The following SLC4A8 variants were observed in gnomAD, a reference collection of about 807,000 sequenced individuals.
SLC4A8 encodes electroneutral sodium bicarbonate exchanger 1.
In SLC4A8, 40 loss-of-function variants were observed where a neutral mutation model predicts 125.0. The observed-to-expected ratio is 0.32, with a 90% CI of 0.25 to 0.42. The LOEUF (loss-of-function observed/expected upper bound fraction) is 0.42. Ranked by LOEUF, SLC4A8 falls within the 10% of genes least tolerant of loss-of-function variation. SLC4A8 has a pLI of 1.00. For missense variants in SLC4A8, 863 were observed against 1,355.1 expected (o/e 0.64, Z 5.70); for synonymous variants, 456 against 476.0 (o/e 0.96, Z 0.55).
Position 51,470,480 on chromosome 12 carries a change from C to T in SLC4A8, c.1613C>T (p.Thr538Ile). 1 of 1,613,636 alleles carries T rather than the reference C, an allele frequency of 6.2e-7. No individual in the cohort carries two copies. Among genetic ancestry groups the T allele is most frequent in the Non-Finnish European group, 8.5e-7 (1 of 1,179,550 alleles). The change falls in exon 13 of 25, where the codon ACT becomes ATT. Residue 538 changes from threonine (T) to isoleucine (I), a missense_variant. Physicochemically the swap from Thr to Ile is moderately conservative, Grantham distance 89. Around this residue, in one of 6 missense-constraint regions of SLC4A8, gnomAD observed 390 missense variants for 634.4 expected, o/e 0.61. Transcript: ENST00000453097. Reference protein sequence around the residue: ...AGQALTILGSTGPVLVFEKIL... With the variant: ...AGQALTILGSIGPVLVFEKIL... ...CAGGCTCTCACCATCCTGGGAAGTA[C>T]TGGACCAGTGCTTGTGTTTGAAAAG... is the stretch of plus-strand genomic sequence containing the variant.
At position 51,504,017 on chromosome 12, in the gene SLC4A8, T is replaced by TA. The variant is rs1938056408; in HGVS notation, c.3082-12_3082-11insA. The TA allele has an allele frequency of 6.6e-7, 1 of 1,515,816 alleles. No homozygotes were observed. Among genetic ancestry groups the TA allele is most frequent in the African/African-American group, 1.4e-5 (1 of 72,704 alleles). 93.9% of individuals were successfully genotyped at this position (1,515,816 alleles called of 1,614,324 possible). ...TTGGTCCAAGATATAATAATGTTTCTTTTTCTTCCAGGAGGCTGAGAAAAT... is the reference window on the plus strand; with the variant it reads ...TTGGTCCAAGATATAATAATGTTTCTATTTTCTTCCAGGAGGCTGAGAAAAT... On this transcript the variant is annotated splice_polypyrimidine_tract_variant and intron_variant, in intron 22 of 24. Transcript: ENST00000453097.
At chr12:51,422,047 C>G (rs1948799822), upstream of SLC4A8, 1 of 152,204 alleles carries the variant, frequency 6.6e-6, no homozygotes, top group Non-Finnish European at 1.5e-5. Context: ...TTCCCAACAC[C>G]TAACATAGGG....
intron 1 of SLC4A8, among the ~76,000 whole-genome samples, chr12:51,431,223 C>T (rs963283573): frequency 6.6e-6 from 1 of 152,122 alleles, no homozygotes. Flanking sequence ...GTTAAGGATC[C>T]TTGTTATTAC....
intron 1 of SLC4A8, 30 bp downstream of exon 1, chr12:51,425,065 C>A: frequency 3.9e-6 from 6 of 1,544,140 alleles, no homozygotes; most frequent in African/African-American, 1.4e-5. Context: ...GCCTCCCGCT[C>A]CTCCCCGGGG....
upstream of SLC4A8, among the ~76,000 whole-genome samples, chr12:51,423,103 T>C (rs1948827703): frequency 6.6e-6 from 1 of 152,252 alleles, no homozygotes; most frequent in South Asian, 2.1e-4. Flanking sequence ...GTACTTTCTA[T>C]GTGCCTGGGA....
chr12:51,400,724 CTT>C (rs1565748887), intron 1 of SLC4A8, among the ~76,000 whole-genome samples: 12 of 54,996 alleles, frequency 2.2e-4, no homozygotes, highest in Admixed American at 9.5e-4. Flanking sequence ...GAATGAACTC[CTT>C]TATATATATA....
intron 1 of SLC4A8, among the ~76,000 whole-genome samples, chr12:51,431,351 A>G (rs1452645171): frequency 2.6e-5 from 4 of 152,256 alleles, no homozygotes; most frequent in African/African-American, 9.6e-5. Context: ...ATAAGGGAAC[A>G]TATTCACAAA....
chr12:51,447,547 C>T (rs1242850566), intron 2 of SLC4A8, among the ~76,000 whole-genome samples: 2 of 152,058 alleles, frequency 1.3e-5, no homozygotes, highest in African/African-American at 4.8e-5. Context: ...CAGTTTGATT[C>T]TGGTAGAGAA....
At chr12:51,462,886 C>T (rs1231980979) in intron 10 of SLC4A8, 2 of 111,130 alleles carry the variant, frequency 1.8e-5, no homozygotes, top group East Asian at 2.5e-4. Flanking sequence ...GAGCGAGACT[C>T]CACCTCAAAA....
chr12:51,393,512 G>A (rs1948200822), intron 1 of SLC4A8, among the ~76,000 whole-genome samples: 1 of 152,216 alleles, frequency 6.6e-6, no homozygotes, highest in African/African-American at 2.4e-5. Context: ...GTGTTAACAG[G>A]TGAATGAAGA....
At chr12:51,480,868 C>T (rs888650461) in intron 16 of SLC4A8, among the ~76,000 whole-genome samples, 3 of 152,192 alleles carry the variant, frequency 2.0e-5, no homozygotes, top group Admixed American at 6.5e-5. Context: ...GGAAGTACAA[C>T]GGGAATAGCC....
chr12:51,429,848 G>C (rs184720044), intron 1 of SLC4A8, among the ~76,000 whole-genome samples: 10 of 151,672 alleles, frequency 6.6e-5, no homozygotes, highest in Admixed American at 6.6e-4. Context: ...TTTCATAGGG[G>C]GTAGTAATAG....
intron 1 of SLC4A8, among the ~76,000 whole-genome samples, chr12:51,406,198 TTCACTC>T (rs1447561467): frequency 3.3e-5 from 5 of 152,216 alleles, no homozygotes; most frequent in Admixed American, 6.5e-5. Flanking sequence ...GAGCTAGTCT[TTCACTC>T]TCAGGAACTT....
At chr12:51,404,580 T>C (rs775967904) in intron 1 of SLC4A8, among the ~76,000 whole-genome samples, 2 of 152,160 alleles carry the variant, frequency 1.3e-5, no homozygotes, top group African/African-American at 2.4e-5. Flanking sequence ...ACATGACCAC[T>C]GATGGAATCA....
chr12:51,472,377 C>T (rs544681617), intron 14 of SLC4A8, among the ~76,000 whole-genome samples: 3 of 152,272 alleles, frequency 2.0e-5, no homozygotes, highest in Admixed American at 1.3e-4. Context: ...GACAGATACA[C>T]TTTCATCTAT....
intron 1 of SLC4A8, among the ~76,000 whole-genome samples, chr12:51,402,119 T>C (rs1948405380): frequency 6.6e-6 from 1 of 152,090 alleles, no homozygotes; most frequent in Non-Finnish European, 1.5e-5. Context: ...TGCCTTGATA[T>C]ATGTGTGTTA....
chr12:51,483,789 G>A (rs973413972), intron 16 of SLC4A8, among the ~76,000 whole-genome samples: 6 of 151,878 alleles, frequency 4.0e-5, no homozygotes, highest in African/African-American at 1.2e-4. Context: ...TGCACAATGT[G>A]CAGGTTTGTT....
intron 22 of SLC4A8, among the ~76,000 whole-genome samples, chr12:51,498,606 C>T (rs941126605): frequency 5.3e-4 from 79 of 150,128 alleles, no homozygotes; most frequent in African/African-American, 1.6e-3. Flanking sequence ...ATAGGCTGGG[C>T]GCGGTGGCTC....
chr12:51,398,339 A>T (rs551379917), intron 1 of SLC4A8, among the ~76,000 whole-genome samples: 16 of 152,334 alleles, frequency 1.1e-4, no homozygotes, highest in Non-Finnish European at 2.1e-4. Context: ...TCCTAATATC[A>T]TACAATTAAT....
Sources: allele counts gnomAD v4.1 joint callset (sites outside exome capture counted in the v4.1 genomes callset), GRCh38; gene constraint gnomAD v4.1.1; regional missense constraint gnomAD v4.1.1; transcripts MANE v1.5; gene names NCBI Gene and HGNC (gene_info 2026-07-23, HGNC 2026-07-21).